The following ZNF837 variants were observed in gnomAD, a reference collection of about 807,000 sequenced individuals.
ZNF837 encodes zinc finger protein 837.
For missense variants in ZNF837, 955 were observed against 801.7 expected (o/e 1.19, Z -2.31); for synonymous variants, 475 against 365.2 (o/e 1.30, Z -3.43).
In ZNF837 at chr19:58,368,976, C is replaced by A. The variant is rs542114031; in HGVS notation, c.357G>T (p.Ala119=). The A allele has an allele frequency of 1.3e-6, 2 of 1,531,038 alleles. No individual in the cohort carries two copies. Among genetic ancestry groups the A allele is most frequent in the African/African-American group, 1.4e-5 (1 of 72,700 alleles). The allele number at this position is 1,531,038 out of a possible 1,614,324, so 94.8% of individuals were successfully genotyped here. Residue 119 remains alanine, a synonymous_variant, in exon 3 of 3, where the codon GCG becomes GCT. Coordinates refer to ENST00000597582, the MANE Select transcript of ZNF837 (RefSeq NM_138466.2). ...AGTTCCTGCTGCAGTCCCCGCCACG[C>A]GCTGGGCTCCTACAGGGGCCCTCCC... ...QAREGPCRSP[A]RGGDCSRNSC... is the part of the protein sequence containing the mutation.
At chr19:58,379,975 A>G (rs1441287909) in intron 1 of ZNF837, among the ~76,000 whole-genome samples, 2 of 150,238 alleles carry the variant, frequency 1.3e-5, no homozygotes, top group South Asian at 4.2e-4. Context: ...AGCCTGGGCA[A>G]CAAGAGCGAA....
At chr19:58,370,576 C>G (rs1214849654) in intron 1 of ZNF837, among the ~76,000 whole-genome samples, 1 of 152,202 alleles carries the variant, frequency 6.6e-6, no homozygotes, top group East Asian at 1.9e-4. Context: ...TATTCATCTC[C>G]TAAGCAAGCA....
chr19:58,369,456 A>G, intron 2 of ZNF837, 95 bp from the exon 3 acceptor site: 2 of 1,073,958 alleles, frequency 1.9e-6, no homozygotes, highest in Non-Finnish European at 2.4e-6. Flanking sequence ...GCTGGCACCT[A>G]CTGGGCGGCC....
chr19:58,375,908 TTTTTA>T (rs2052241410), intron 1 of ZNF837, among the ~76,000 whole-genome samples: 1 of 151,978 alleles, frequency 6.6e-6, no homozygotes, highest in Middle Eastern at 3.4e-3. Flanking sequence ...TATTTATTTA[TTTTTA>T]TTTTATTATT....
At chr19:58,375,823 C>T (rs900078113) in intron 1 of ZNF837, among the ~76,000 whole-genome samples, 2 of 151,270 alleles carry the variant, frequency 1.3e-5, no homozygotes, top group Admixed American at 6.6e-5. Context: ...TGTCAGGCGT[C>T]GGCCCACCCT....
chr19:58,373,096 TGA>T (rs2052215390), intron 1 of ZNF837, among the ~76,000 whole-genome samples: 1 of 152,202 alleles, frequency 6.6e-6, no homozygotes, highest in Admixed American at 6.5e-5. Flanking sequence ...CAGGCCTGTG[TGA>T]GACAGGAAAG....
Position 58,368,862 on chromosome 19 carries a change from C to A in ZNF837, c.471G>T (p.Arg157=), listed in dbSNP as rs1269758856. ...PCPERIQNHP[R]TQLCEVHTDC... Reference sequence around the variant, plus strand: ...CCGTGTGGACCTCACACAGTTGAGTCCGGGGGTGGTTCTGGATCCGCTCCG... The same window carrying A: ...CCGTGTGGACCTCACACAGTTGAGTACGGGGGTGGTTCTGGATCCGCTCCG... The change falls in exon 3 of 3, where the codon CGG becomes CGT. Residue 157 remains arginine, a synonymous_variant. Coordinates refer to ENST00000597582, the MANE Select transcript of ZNF837 (RefSeq NM_138466.2). 2.6e-6 allele frequency: 4 copies of A among 1,547,454 alleles called. No homozygotes were observed. The Admixed American group carries it at 7.8e-5, about 30-fold the overall frequency.
intron 1 of ZNF837, among the ~76,000 whole-genome samples, chr19:58,374,945 T>A (rs1381536667): frequency 1.2e-4 from 14 of 113,684 alleles, no homozygotes; most frequent in Admixed American, 1.1e-3. Flanking sequence ...AAAAAAAAAA[T>A]TATATATATA....
Position 58,368,917 on chromosome 19 carries a change from C to T in ZNF837, c.416G>A (p.Gly139Glu), listed in dbSNP as rs1291125402. 2.6e-6 allele frequency: 4 copies of T among 1,546,952 alleles called. No homozygotes were observed. In the Admixed American group the frequency reaches 7.9e-5, roughly 30 times the overall value. ...GGGGTCACACACGGGTGGCGTCTCC[C>T]CAGCGGGCGCCCCGCGATGCCACGC... Reference protein sequence around the residue: ...CLAWHRGAPAGETPPVCDPCP... With the variant: ...CLAWHRGAPAEETPPVCDPCP... The change falls in exon 3 of 3, where the codon GGG becomes GAG. Residue 139 changes from glycine to glutamate, a missense_variant. Physicochemically the swap from Gly to Glu is moderately conservative, Grantham distance 98. Transcript: ENST00000597582.
Position 58,368,555 on chromosome 19 carries a change from GGCGAGGTC to G in ZNF837, c.770_777del (p.Arg257ProfsTer303). On this transcript the variant is annotated frameshift_variant, in exon 3 of 3. Transcript: ENST00000597582. LOFTEE classifies it low-confidence loss of function (END_TRUNC). Reference sequence around the variant, plus strand: ...TGGGCCGGGGGGTCGGGGACAATAGGGCGAGGTCGCGAGGTTTGGCCGCACTCAGGACA... The same window carrying G: ...TGGGCCGGGGGGTCGGGGACAATAGGGCGAGGTTTGGCCGCACTCAGGACA... The G allele has an allele frequency of 6.5e-7, 1 of 1,538,540 alleles. No individual in the cohort carries two copies. The highest frequency in any genetic ancestry group is 1.4e-5 in the African/African-American group (1 of 73,046).
At chr19:58,379,461 C>G (rs1385155976) in intron 1 of ZNF837, among the ~76,000 whole-genome samples, 1 of 152,208 alleles carries the variant, frequency 6.6e-6, no homozygotes, top group African/African-American at 2.4e-5. Flanking sequence ...AGGTGGGTGG[C>G]ATTCCAGCCA....
At chr19:58,374,961 A>G (rs1347730657) in intron 1 of ZNF837, among the ~76,000 whole-genome samples, 1 of 149,212 alleles carries the variant, frequency 6.7e-6, no homozygotes, top group East Asian at 2.0e-4. Context: ...ATATATATAC[A>G]CACACACAAA....
At chr19:58,375,628 A>C (rs951724007) in intron 1 of ZNF837, among the ~76,000 whole-genome samples, 3 of 150,830 alleles carry the variant, frequency 2.0e-5, no homozygotes, top group African/African-American at 7.3e-5. Context: ...TTGTATTTTT[A>C]GTGGAGATGG....
At chr19:58,373,931 C>T (rs189626986) in intron 1 of ZNF837, among the ~76,000 whole-genome samples, 1 of 152,358 alleles carries the variant, frequency 6.6e-6, no homozygotes, top group East Asian at 1.9e-4. Flanking sequence ...CTCATACACC[C>T]AGGACTGGCA....
In ZNF837 at chr19:58,368,929, C is replaced by T; in HGVS notation, c.404G>A (p.Gly135Glu). Residue 135 changes from glycine (G) to glutamate (E), a missense_variant, in exon 3 of 3, where the codon GGG becomes GAG. By Grantham distance (98) the Gly-to-Glu change is moderately conservative. Coordinates refer to ENST00000597582, the MANE Select transcript of ZNF837 (RefSeq NM_138466.2). ...SRNSCLAWHRGAPAGETPPVC... is the reference protein window; with the variant it reads ...SRNSCLAWHREAPAGETPPVC... Reference sequence around the variant, plus strand: ...GGGTGGCGTCTCCCCAGCGGGCGCCCCGCGATGCCACGCCAGGCAGGAGTT... The same window carrying T: ...GGGTGGCGTCTCCCCAGCGGGCGCCTCGCGATGCCACGCCAGGCAGGAGTT... 6.5e-7 allele frequency: 1 copy of T among 1,545,970 alleles called. No homozygotes were observed. Among genetic ancestry groups the T allele is most frequent in the East Asian group, 2.5e-5 (1 of 40,770 alleles).
chr19:58,370,253 C>CT (rs1338761908), intron 1 of ZNF837, among the ~76,000 whole-genome samples: 1 of 152,178 alleles, frequency 6.6e-6, no homozygotes, highest in Non-Finnish European at 1.5e-5. Context: ...GTGCCACCTA[C>CT]TTTTCTTTCT....
chr19:58,379,636 C>T (rs1315261765), intron 1 of ZNF837, among the ~76,000 whole-genome samples: 1 of 152,190 alleles, frequency 6.6e-6, no homozygotes, highest in African/African-American at 2.4e-5. Context: ...GCTCGCCCAG[C>T]CTTTCTAGTT....
chr19:58,378,687 C>A (rs989345453), intron 1 of ZNF837, among the ~76,000 whole-genome samples: 5 of 152,224 alleles, frequency 3.3e-5, no homozygotes, highest in Admixed American at 1.3e-4. Context: ...CCCCGGAACT[C>A]TCAGAATGTG....
chr19:58,371,569 C>T (rs908158035), intron 1 of ZNF837, among the ~76,000 whole-genome samples: 13 of 152,306 alleles, frequency 8.5e-5, no homozygotes, highest in Admixed American at 2.6e-4. Flanking sequence ...CTCTGAATCC[C>T]GGATGGCTAA....
Sources: allele counts gnomAD v4.1 joint callset (sites outside exome capture counted in the v4.1 genomes callset), GRCh38; gene constraint gnomAD v4.1.1; transcripts MANE v1.5; gene names NCBI Gene and HGNC (gene_info 2026-07-23, HGNC 2026-07-21).